Variants in KIF13B observed in about 807,000 individuals in gnomAD.
KIF13B encodes kinesin-like protein KIF13B.
KIF13B carries 127 observed loss-of-function variants against 222.0 expected under a neutral mutation model. The ratio of observed to expected loss-of-function variants is 0.57; its 90% CI spans 0.50 to 0.66. The LOEUF is 0.66. KIF13B is among the 30% of genes least tolerant of loss of function. KIF13B has a pLI of 0.00. For missense variants in KIF13B, 2,173 were observed against 2,379.0 expected (o/e 0.91, Z 1.80); for synonymous variants, 976 against 919.0 (o/e 1.06, Z -1.12).
intron 2 of KIF13B, among the ~76,000 whole-genome samples, chr8:29,233,064 G>A (rs1349712058): frequency 6.6e-6 from 1 of 152,202 alleles, no homozygotes; most frequent in Non-Finnish European, 1.5e-5. Context: ...GCTGAGGCAG[G>A]AGAATCACTT....
chr8:29,221,936 T>C (rs1032909731), intron 2 of KIF13B, among the ~76,000 whole-genome samples: 2 of 152,184 alleles, frequency 1.3e-5, no homozygotes, highest in Non-Finnish European at 2.9e-5. Flanking sequence ...GAATAGTCGG[T>C]AGTTTTCTAT....
intron 1 of KIF13B, 54 bp downstream of exon 1, chr8:29,262,926 G>T: frequency 6.9e-7 from 1 of 1,448,836 alleles, no homozygotes; most frequent in Non-Finnish European, 9.3e-7. Flanking sequence ...AGGGAAGGGC[G>T]CGCCAGGCAC....
rs184216370 is a variant in KIF13B at position 29,171,717 on chromosome 8, G to A, written c.946-4132C>T. 2.9e-3 allele frequency among the ~76,000 whole-genome samples: 423 copies of A among 147,774 alleles called. 4 individuals carry two copies. Among genetic ancestry groups the A allele is most frequent in the Non-Finnish European group, 4.5e-3 (302 of 67,196 alleles). ...GCCCCTATTTACGATCTTCTGTGAA[G>A]TCCAAATGACGTTAAAAAAAATCAT... is the stretch of plus-strand genomic sequence containing the variant. On this transcript the variant is annotated intron_variant, in intron 10 of 39. Transcript: ENST00000524189.
At chr8:29,095,986 GTTTTTTT>G (rs889271371) in intron 36 of KIF13B, among the ~76,000 whole-genome samples, 2 of 139,338 alleles carry the variant, frequency 1.4e-5, no homozygotes, top group African/African-American at 5.3e-5. Context: ...TTTGTTTTTT[GTTTTTTT>G]TTTTTTAAGA....
At chr8:29,225,094 C>G (rs2340775) in intron 2 of KIF13B, among the ~76,000 whole-genome samples, 10,395 of 152,200 alleles carry the variant, frequency 0.068, 477 homozygotes, top group African/African-American at 0.12. Flanking sequence ...AAAAAGACAT[C>G]ACGGAAAGAT....
chr8:29,160,134 T>G (rs1163269160), intron 13 of KIF13B, among the ~76,000 whole-genome samples: 1 of 152,266 alleles, frequency 6.6e-6, no homozygotes, highest in East Asian at 1.9e-4. Flanking sequence ...AAGTTGTCTC[T>G]TATCTTACTA....
chr8:29,201,317 A>C (rs569183252), intron 2 of KIF13B, among the ~76,000 whole-genome samples: 70 of 152,218 alleles, frequency 4.6e-4, no homozygotes, highest in Non-Finnish European at 9.0e-4. Context: ...CCTCCTTTTT[A>C]CTGATCTGGC....
At chr8:29,227,109 C>T (rs1251694693) in intron 2 of KIF13B, among the ~76,000 whole-genome samples, 1 of 152,158 alleles carries the variant, frequency 6.6e-6, no homozygotes, top group Non-Finnish European at 1.5e-5. Flanking sequence ...TTCTTTCAGG[C>T]TTTTGATGTA....
intron 23 of KIF13B, 62 bp from the exon 24 acceptor site, chr8:29,130,727 G>A: frequency 2.0e-6 from 3 of 1,470,542 alleles, no homozygotes; most frequent in Non-Finnish European, 2.8e-6. Flanking sequence ...GGCAGCTTAG[G>A]GTCCTACACA....
intron 38 of KIF13B, among the ~76,000 whole-genome samples, chr8:29,073,970 T>C (rs1053892328): frequency 2.6e-5 from 4 of 152,240 alleles, no homozygotes; most frequent in East Asian, 1.9e-4. Context: ...CCTTTGCACA[T>C]TGTCCATGTT....
At chr8:29,262,928 G>A (rs1816741613) in intron 1 of KIF13B, 52 bp downstream of exon 1, 15 of 1,467,456 alleles carry the variant, frequency 1.0e-5, no homozygotes, top group Admixed American at 6.6e-5. Context: ...GGAAGGGCGC[G>A]CCAGGCACCT....
intron 2 of KIF13B, among the ~76,000 whole-genome samples, chr8:29,245,082 C>CGG (rs1815961895): frequency 1.3e-5 from 2 of 152,198 alleles, no homozygotes; most frequent in African/African-American, 4.8e-5. Flanking sequence ...CTTCAAGAAG[C>CGG]CTTCTTCAAT....
At chr8:29,262,673 A>T (rs1816724201) in intron 1 of KIF13B, among the ~76,000 whole-genome samples, 1 of 150,284 alleles carries the variant, frequency 6.7e-6, no homozygotes, top group South Asian at 2.1e-4. Flanking sequence ...CGCCCTCGGG[A>T]ACCTCCGGGG....
At chr8:29,197,178 A>G (rs1042565752) in intron 2 of KIF13B, among the ~76,000 whole-genome samples, 1 of 151,316 alleles carries the variant, frequency 6.6e-6, no homozygotes, top group African/African-American at 2.4e-5. Context: ...TCTACTAAAA[A>G]TACAAAAAAT....
At chr8:29,190,960 C>T (rs1551479) in intron 4 of KIF13B, 37 bp downstream of exon 4, 234,869 of 1,537,302 alleles carry the variant, frequency 0.15, 18,951 homozygotes, top group African/African-American at 0.24. Context: ...CCCTCTTCTA[C>T]ACCATCAGTA....
chr8:29,178,652 T>TAA (rs35590594), intron 8 of KIF13B, among the ~76,000 whole-genome samples: 12,785 of 139,008 alleles, frequency 0.092, 696 homozygotes, highest in Middle Eastern at 0.13. Flanking sequence ...TACTTTTAGT[T>TAA]AAAAAAAAAA....
At chr8:29,258,033 A>G (rs756848474) in intron 1 of KIF13B, among the ~76,000 whole-genome samples, 2 of 152,186 alleles carry the variant, frequency 1.3e-5, no homozygotes, top group African/African-American at 2.4e-5. Flanking sequence ...TGACAAAACA[A>G]GTATCTTCTG....
At chr8:29,164,762 A>T (rs1007797861) in intron 12 of KIF13B, among the ~76,000 whole-genome samples, 2 of 152,182 alleles carry the variant, frequency 1.3e-5, no homozygotes, top group Non-Finnish European at 2.9e-5. Flanking sequence ...CTACAGTGTA[A>T]ATCTATTATT....
chr8:29,213,812 G>A (rs1052349048), intron 2 of KIF13B, among the ~76,000 whole-genome samples: 1 of 151,990 alleles, frequency 6.6e-6, no homozygotes, highest in Non-Finnish European at 1.5e-5. Flanking sequence ...AAAATAGCCA[G>A]GTGTGGTGGC....
Sources: allele counts gnomAD v4.1 joint callset (sites outside exome capture counted in the v4.1 genomes callset), GRCh38; gene constraint gnomAD v4.1.1; transcripts MANE v1.5; gene names NCBI Gene and HGNC (gene_info 2026-07-23, HGNC 2026-07-21).